The following NRG1 variants were observed in gnomAD, a reference collection of about 807,000 sequenced individuals.
The protein encoded by NRG1 is neuregulin 1.
A neutral mutation model predicts 63.8 loss-of-function variants in NRG1; 18 were observed. The observed-to-expected ratio is 0.28, with a 90% CI of 0.19 to 0.42. The LOEUF is 0.42. Ranked by LOEUF, NRG1 falls within the 10% of genes least tolerant of loss-of-function variation. NRG1 has a pLI of 1.00. For missense variants in NRG1, 762 were observed against 814.7 expected (o/e 0.94, Z 0.79); for synonymous variants, 302 against 301.3 (o/e 1.00, Z -0.02).
intron 1 of NRG1, among the ~76,000 whole-genome samples, chr8:32,470,169 G>A (rs529656487): frequency 1.4e-5 from 2 of 147,756 alleles, no homozygotes; most frequent in African/African-American, 5.0e-5. Flanking sequence ...CACTGAGCCC[G>A]GCCGAAAAGG....
intron 1 of NRG1, among the ~76,000 whole-genome samples, chr8:32,275,673 G>A (rs533358157): frequency 7.2e-5 from 11 of 152,100 alleles, no homozygotes; most frequent in Non-Finnish European, 1.0e-4. Flanking sequence ...GTAACCGTAC[G>A]TCAAATTATG....
intron 1 of NRG1, among the ~76,000 whole-genome samples, chr8:31,707,847 C>A (rs1052058809): frequency 1.3e-5 from 2 of 152,100 alleles, no homozygotes; most frequent in African/African-American, 4.8e-5. Context: ...ATAATCATAG[C>A]TTCTGTAGTA....
At chr8:32,015,850 G>GTTTTT (rs752417195) in intron 1 of NRG1, among the ~76,000 whole-genome samples, 1 of 138,000 alleles carries the variant, frequency 7.2e-6, no homozygotes, top group Non-Finnish European at 1.6e-5. Flanking sequence ...GTTTTCTCTT[G>GTTTTT]TTTGTTTTTT....
intron 1 of NRG1, among the ~76,000 whole-genome samples, chr8:32,221,631 A>G (rs1845824999): frequency 6.6e-6 from 1 of 152,200 alleles, no homozygotes; most frequent in Non-Finnish European, 1.5e-5. Context: ...TAGGGAATGA[A>G]TTAATCTCCT....
At chr8:31,762,268 T>C (rs1817637038) in intron 1 of NRG1, among the ~76,000 whole-genome samples, 2 of 152,238 alleles carry the variant, frequency 1.3e-5, no homozygotes, top group Non-Finnish European at 2.9e-5. Context: ...ATTGTTCAAC[T>C]CCCACTTACG....
chr8:32,403,578 A>C (rs1460051683), intron 1 of NRG1, among the ~76,000 whole-genome samples: 1 of 152,184 alleles, frequency 6.6e-6, no homozygotes, highest in Non-Finnish European at 1.5e-5. Context: ...TTCTCTAAAT[A>C]GAGTATCTGA....
At chr8:32,486,323 C>T (rs1587922126) in intron 1 of NRG1, among the ~76,000 whole-genome samples, 2 of 152,210 alleles carry the variant, frequency 1.3e-5, no homozygotes, top group East Asian at 1.9e-4. Flanking sequence ...TAACAAATTC[C>T]AGGCACCTCC....
intron 5 of NRG1, among the ~76,000 whole-genome samples, chr8:32,674,827 T>C (rs145813426): frequency 5.3e-4 from 81 of 152,314 alleles, no homozygotes; most frequent in African/African-American, 1.9e-3. Flanking sequence ...GACTCAGAGA[T>C]GTGAAGTGGC....
At chr8:32,234,459 A>C (rs989944070) in intron 1 of NRG1, among the ~76,000 whole-genome samples, 1 of 152,174 alleles carries the variant, frequency 6.6e-6, no homozygotes, top group African/African-American at 2.4e-5. Context: ...TAGTTTAGAA[A>C]ACTGAGCCTC....
intron 5 of NRG1, chr8:32,722,070 G>A (rs1201091567): frequency 2.7e-6 from 4 of 1,490,312 alleles, no homozygotes; most frequent in Non-Finnish European, 3.6e-6. Context: ...CTGTAATTTT[G>A]TAGTGACTAG....
At chr8:32,646,670 G>A in intron 5 of NRG1, 1 of 984,772 alleles carries the variant, frequency 1.0e-6, no homozygotes, top group Non-Finnish European at 1.2e-6. Flanking sequence ...GAAGAAGACT[G>A]GGACAGCTTT....
intron 1 of NRG1, among the ~76,000 whole-genome samples, chr8:31,958,564 G>T: frequency 6.6e-6 from 1 of 152,214 alleles, no homozygotes; most frequent in East Asian, 1.9e-4. Context: ...GGAGAATGTA[G>T]TGAATATGCT....
chr8:31,989,502 C>G (rs1810698264), intron 1 of NRG1, among the ~76,000 whole-genome samples: 1 of 151,942 alleles, frequency 6.6e-6, no homozygotes, highest in Admixed American at 6.6e-5. Flanking sequence ...AGAGTAATCT[C>G]CAAGTACCTT....
intron 1 of NRG1, chr8:32,030,545 T>C (rs1351903559): frequency 1.3e-5 from 2 of 152,208 alleles, no homozygotes; most frequent in South Asian, 2.1e-4. Context: ...AAATAAAATA[T>C]TCACTTACTA....
At chr8:32,522,898 T>C (rs1269791275) in intron 1 of NRG1, among the ~76,000 whole-genome samples, 2 of 151,684 alleles carry the variant, frequency 1.3e-5, no homozygotes, top group African/African-American at 2.4e-5. Flanking sequence ...CTCAAACTCC[T>C]GGGCTCAGGT....
chr8:32,595,126 T>C (rs1314466559), intron 1 of NRG1, among the ~76,000 whole-genome samples: 2 of 152,220 alleles, frequency 1.3e-5, no homozygotes, highest in African/African-American at 4.8e-5. Flanking sequence ...ACACTGTGAT[T>C]TGGGATGTGA....
At chr8:32,210,456 G>C (rs767625089) in intron 1 of NRG1, among the ~76,000 whole-genome samples, 35 of 152,188 alleles carry the variant, frequency 2.3e-4, no homozygotes, top group Non-Finnish European at 2.4e-4. Flanking sequence ...CTCCCGAAAG[G>C]GTCTTGAAGA....
intron 1 of NRG1, among the ~76,000 whole-genome samples, chr8:32,160,931 TG>T (rs1838756811): frequency 6.6e-6 from 1 of 152,198 alleles, no homozygotes; most frequent in Admixed American, 6.5e-5. Context: ...GCTGCATTTA[TG>T]GACTTGAATA....
chr8:32,523,012 G>A (rs1206593480), intron 1 of NRG1, among the ~76,000 whole-genome samples: 1 of 152,078 alleles, frequency 6.6e-6, no homozygotes, highest in Non-Finnish European at 1.5e-5. Context: ...ATGTTGTCCA[G>A]GCTGGTCTTG....
Sources: allele counts gnomAD v4.1 joint callset (sites outside exome capture counted in the v4.1 genomes callset), GRCh38; gene constraint gnomAD v4.1.1; transcripts MANE v1.5; gene names NCBI Gene and HGNC (gene_info 2026-07-23, HGNC 2026-07-21).